Variants in FCMR observed in about 807,000 individuals in gnomAD.
The protein encoded by FCMR is immunoglobulin mu Fc receptor.
FCMR carries 34 observed loss-of-function variants against 41.6 expected under a neutral mutation model. The observed-to-expected ratio is 0.82, with a 90% CI of 0.62 to 1.09. The LOEUF (loss-of-function observed/expected upper bound fraction) is 1.09. FCMR is among the 50% of genes least tolerant of loss of function. The probability of loss-of-function intolerance (pLI) is 0.00; values close to 1 mark genes in which losing one functional copy is unlikely to be tolerated. For missense variants in FCMR, 496 were observed against 512.5 expected, an observed-to-expected ratio of 0.97 and a Z score of 0.31; for synonymous variants, 209 against 211.8, an observed-to-expected ratio of 0.99 and a Z score of 0.12.
At chr1:206,917,500 A>G (rs1405184162) in intron 1 of FCMR, among the ~76,000 whole-genome samples, 1 of 152,170 alleles carries the variant, frequency 6.6e-6, no homozygotes, top group African/African-American at 2.4e-5. Context: ...TGAGTCCATC[A>G]TTCTCACCTG....
chr1:206,907,879 C>A, intron 7 of FCMR: 1 of 1,312,708 alleles, frequency 7.6e-7, no homozygotes, highest in Non-Finnish European at 1.1e-6. Context: ...ACGAGGCTTG[C>A]TGCCCCAAGA....
intron 2 of FCMR, among the ~76,000 whole-genome samples, chr1:206,913,409 T>C (rs1323632136): frequency 6.6e-6 from 1 of 152,226 alleles, no homozygotes; most frequent in Non-Finnish European, 1.5e-5. Flanking sequence ...GTGTCTTTCC[T>C]TTATTTCTCA....
rs374787432 is a variant in FCMR, at chr1:206,913,746, C to G, written c.373+13G>C. On this transcript the variant is annotated intron_variant, in intron 2 of 7. Transcript: ENST00000367091. ...CTGGGTAGTCTGAGCCTCCAATCAG[C>G]GGAGGAACCTACCACTGTGGACATT... is the stretch of plus-strand genomic sequence containing the variant. The G allele has an allele frequency of 1.2e-6, 2 of 1,604,360 alleles. No homozygotes were observed. Among genetic ancestry groups the G allele is most frequent in the African/African-American group, 2.7e-5 (2 of 74,676 alleles).
chr1:206,904,890 G>T lies in FCMR; in HGVS notation c.*129C>A. ...AGGGCACAGATAGATGGGGATGGGA[G>T]TCGAGATGGGGCATGGGAAGTGATG... is the stretch of plus-strand genomic sequence containing the variant. On this transcript the variant is annotated 3_prime_UTR_variant, in exon 8 of 8. Transcript: ENST00000367091. The T allele has an allele frequency of 1.0e-6, 1 of 1,000,254 alleles. No individual in the cohort carries two copies. The highest frequency in any genetic ancestry group is 1.5e-6 in the Non-Finnish European group (1 of 645,586). The allele number at this position is 1,000,254 out of a possible 1,614,324, so 62.0% of individuals were successfully genotyped here. A position where few individuals can be genotyped will look rare whatever the true frequency, so the allele number is the denominator to read the frequency against.
chr1:206,921,864 T>A lies in FCMR; in HGVS notation c.-10A>T. Reference sequence around the variant, plus strand: ...AAAGCCAGAAGTCCATTGTCCCTTCTAGAGTGCAAGGTCCATCCAAGAGCC... The same window carrying A: ...AAAGCCAGAAGTCCATTGTCCCTTCAAGAGTGCAAGGTCCATCCAAGAGCC... On this transcript the variant is annotated 5_prime_UTR_variant, in exon 1 of 8. An upstream open reading frame in the 5' UTR loses its in-frame stop. Coordinates refer to ENST00000367091, the MANE Select transcript of FCMR (RefSeq NM_005449.5). 4.3e-6 allele frequency: 7 copies of A among 1,613,994 alleles called. No homozygotes were observed. The highest frequency in any genetic ancestry group is 5.9e-6 in the Non-Finnish European group (7 of 1,179,898).
At position 206,912,929 on chromosome 1, in the gene FCMR, C is replaced by T. The variant is rs776007536; in HGVS notation, c.487G>A (p.Val163Ile). ...YASSSKFVTR[V>I]TTPAQRGKVP... Reference sequence around the variant, plus strand: ...CCTACCCTTGCTATGGTGAACTGACCTCTGGTTACGAATTTGGAAGAACTG... The same window carrying T: ...CCTACCCTTGCTATGGTGAACTGACTTCTGGTTACGAATTTGGAAGAACTG... Residue 163 changes from valine to isoleucine, a missense_variant and splice_region_variant, in exon 3 of 8, where the codon GTT becomes ATT. Val to Ile is a conservative substitution (Grantham distance 29, BLOSUM62 3). Coordinates refer to ENST00000367091, the MANE Select transcript of FCMR (RefSeq NM_005449.5). 2 of 1,605,810 alleles carry T rather than the reference C, an allele frequency of 1.2e-6. No homozygotes were observed. The highest frequency in any genetic ancestry group is 4.5e-5 in the East Asian group (2 of 44,824).
At chr1:206,908,086 G>C in intron 7 of FCMR, 1 of 1,143,084 alleles carries the variant, frequency 8.7e-7, no homozygotes, top group Non-Finnish European at 1.3e-6. Flanking sequence ...AACCACCCTG[G>C]AGGAGAAGTG....
Position 206,909,872 on chromosome 1 carries a change from C to A in FCMR, c.842-4G>T. The A allele has an allele frequency of 7.3e-7, 1 of 1,375,780 alleles. No homozygotes were observed. The highest frequency in any genetic ancestry group is 9.4e-7 in the Non-Finnish European group (1 of 1,065,604). The allele number at this position is 1,375,780 out of a possible 1,614,324, so 85.2% of individuals were successfully genotyped here. On this transcript the variant is annotated splice_polypyrimidine_tract_variant and splice_region_variant and intron_variant, in intron 5 of 7. Transcript: ENST00000367091. The surrounding 1 kb of genome is among the most constrained non-coding windows in gnomAD (Gnocchi z 5.0). ...CGGCGGGCCCGCCTGGAGAGGGCTT[C>A]CCCACAAAGCCACGGGAAGAGGGAG...
At chr1:206,915,340 G>A (rs901137035) in intron 1 of FCMR, among the ~76,000 whole-genome samples, 4 of 152,142 alleles carry the variant, frequency 2.6e-5, no homozygotes, top group Non-Finnish European at 4.4e-5. Context: ...AATAAGTGAC[G>A]TCTGAGTTGT....
At chr1:206,921,963 GC>G, upstream of FCMR, 1 of 956,000 alleles carries the variant, frequency 1.0e-6, no homozygotes, top group Non-Finnish European at 1.7e-6. Flanking sequence ...GAGATTTCTA[GC>G]CCCCACGAGG....
Position 206,907,712 on chromosome 1 carries a change from A to C in FCMR, c.1044+1750T>G. ...GGCTAACTAGGTACTGCTGGGCTGG[A>C]AGGTGGTTGTCGTACGCTGGGAGGG... On this transcript the variant is annotated intron_variant, in intron 7 of 7. Transcript: ENST00000367091. The C allele has an allele frequency of 5.6e-6, 5 of 895,602 alleles. No individual in the cohort carries two copies. The East Asian group carries it at 1.2e-4, about 22-fold the overall frequency. 55.5% of individuals were successfully genotyped at this position (895,602 alleles called of 1,614,324 possible).
chr1:206,915,235 G>A (rs1319396755), intron 1 of FCMR, among the ~76,000 whole-genome samples: 1 of 152,218 alleles, frequency 6.6e-6, no homozygotes, highest in African/African-American at 2.4e-5. Context: ...TACATCCCAT[G>A]AGAGAGATCG....
intron 7 of FCMR, chr1:206,907,839 C>T (rs1031192199): frequency 4.3e-6 from 6 of 1,404,548 alleles, no homozygotes; most frequent in African/African-American, 2.8e-5. Flanking sequence ...TACCACTTCC[C>T]GGCCCCCAGC....
Position 206,909,799 on chromosome 1 carries a change from C to A in FCMR, c.911G>T (p.Gly304Val). Residue 304 changes from glycine to valine, a missense_variant, in exon 6 of 8, where the codon GGG (glycine) becomes GTG (valine). Coordinates refer to ENST00000367091, the MANE Select transcript of FCMR (RefSeq NM_005449.5). The surrounding 1 kb of genome is among the most constrained non-coding windows in gnomAD (Gnocchi z 5.0). ...GTTTTGGGAGCGCGGTCGCGGCGAC[C>A]CGCGGGGCCTCTGGGAGCTCTCCAG... Reference protein sequence around the residue: ...RALESSQRPRGSPRPRSQNNI... With the variant: ...RALESSQRPRVSPRPRSQNNI... 1 of 1,439,000 alleles carries A rather than the reference C, an allele frequency of 6.9e-7. No individual in the cohort carries two copies. Among genetic ancestry groups the A allele is most frequent in the Non-Finnish European group, 9.1e-7 (1 of 1,104,914 alleles). The allele number at this position is 1,439,000 out of a possible 1,614,324, so 89.1% of individuals were successfully genotyped here.
intron 1 of FCMR, among the ~76,000 whole-genome samples, chr1:206,920,801 G>A (rs566324100): frequency 9.7e-4 from 147 of 152,304 alleles, no homozygotes; most frequent in Non-Finnish European, 1.6e-3. Context: ...TTCTTTTCCC[G>A]TCCATTTCCT....
chr1:206,914,049 TC>T lies in FCMR; in HGVS notation c.82del (p.Glu28SerfsTer17), dbSNP rs779983414. ...RILPEVKVEG[E>X]LGGSVTIKCP... is the part of the protein sequence containing the mutation. ...CTTGATGGTAACTGATCCGCCCAGC[TC>T]CCCCTCTACCTTTACTTCTGGGAGG... On this transcript the variant is annotated frameshift_variant, in exon 2 of 8. Coordinates refer to ENST00000367091, the MANE Select transcript of FCMR (RefSeq NM_005449.5). LOFTEE classifies it high-confidence loss of function. The T allele has an allele frequency of 2.0e-5, 32 of 1,614,034 alleles. No individual in the cohort carries two copies. The highest frequency in any genetic ancestry group is 2.6e-5 in the Non-Finnish European group (31 of 1,179,986).
chr1:206,911,603 A>C, intron 4 of FCMR, 127 bp downstream of exon 4: 3 of 816,148 alleles, frequency 3.7e-6, no homozygotes, highest in Non-Finnish European at 6.2e-6. Flanking sequence ...CTATACTCAT[A>C]GGTGGTATAT....
rs1350151656 is a variant in FCMR, at chr1:206,921,850, T to C, written c.5A>G (p.Asp2Gly). The C allele has an allele frequency of 8.1e-6, 13 of 1,614,066 alleles. No homozygotes were observed. The highest frequency in any genetic ancestry group is 1.1e-5 in the South Asian group (1 of 91,076). Residue 2 changes from aspartate (D) to glycine (G), a missense_variant, in exon 1 of 8, where the codon GAC (aspartate) becomes GGC (glycine). By Grantham distance (94) the Asp-to-Gly change is moderately conservative. Transcript: ENST00000367091. ...GAAGTAAAGTGGCCAAAGCCAGAAG[T>C]CCATTGTCCCTTCTAGAGTGCAAGG... is the stretch of plus-strand genomic sequence containing the variant. The part of the protein sequence containing the change: M[D>G]FWLWPLYFLP...
intron 1 of FCMR, among the ~76,000 whole-genome samples, chr1:206,914,977 T>C (rs186779117): frequency 1.3e-5 from 2 of 152,328 alleles, no homozygotes; most frequent in Admixed American, 6.5e-5. Flanking sequence ...CCAAACAGCA[T>C]AGAGCCCCCA....
Sources: allele counts gnomAD v4.1 joint callset (sites outside exome capture counted in the v4.1 genomes callset), GRCh38; gene constraint gnomAD v4.1.1; non-coding constraint Gnocchi (gnomAD v3.1); transcripts MANE v1.5; gene names NCBI Gene and HGNC (gene_info 2026-07-23, HGNC 2026-07-21).